Variants in DCN observed in about 807,000 individuals in gnomAD.
DCN encodes decorin.
In DCN, 17 loss-of-function variants were observed where a neutral mutation model predicts 36.5. That is an observed-to-expected ratio of 0.47 (90% CI 0.32 to 0.70). The LOEUF is 0.70. DCN is among the 30% of genes least tolerant of loss of function. The probability of loss-of-function intolerance (pLI) is 0.04; values close to 1 mark genes in which losing one functional copy is unlikely to be tolerated. For synonymous variants in DCN, 163 were observed against 161.4 expected, an observed-to-expected ratio of 1.01 and a Z score of -0.07; for missense variants, 389 against 430.1, an observed-to-expected ratio of 0.90 and a Z score of 0.84.
chr12:91,180,400 G>GAAAA (rs1883521081), intron 1 of DCN: 12 of 151,550 alleles, frequency 7.9e-5, no homozygotes, highest in African/African-American at 2.9e-4. Context: ...GAGAGAGAGA[G>GAAAA]AGAAAGAAAG....
intron 7 of DCN, among the ~76,000 whole-genome samples, chr12:91,148,167 G>A (rs1256060242): frequency 2.0e-5 from 3 of 151,080 alleles, no homozygotes; most frequent in South Asian, 4.2e-4. Flanking sequence ...TCCGCCTCCC[G>A]GGTTCACGCC....
chr12:91,177,836 G>T, intron 2 of DCN: 1 of 603,370 alleles, frequency 1.7e-6, no homozygotes, highest in Non-Finnish European at 3.0e-6. Flanking sequence ...TGAAAGATAA[G>T]ATTTTGTCAT....
At chr12:91,169,042 T>C (rs985979722) in intron 2 of DCN, among the ~76,000 whole-genome samples, 1 of 152,188 alleles carries the variant, frequency 6.6e-6, no homozygotes, top group African/African-American at 2.4e-5. Flanking sequence ...TGAATCTGAT[T>C]AATCCTCTAA....
intron 6 of DCN, among the ~76,000 whole-genome samples, chr12:91,152,827 C>T (rs1016023875): frequency 4.6e-5 from 7 of 151,918 alleles, no homozygotes; most frequent in African/African-American, 1.7e-4. Context: ...TTTAATCACA[C>T]ACTTTGTGTA....
At chr12:91,157,702 C>T (rs1164590977) in intron 4 of DCN, among the ~76,000 whole-genome samples, 1 of 151,920 alleles carries the variant, frequency 6.6e-6, no homozygotes, top group Non-Finnish European at 1.5e-5. Context: ...CATCTCGGCT[C>T]ACTGCAAGCT....
rs1257743347 is a variant in DCN, at chr12:91,164,611, G to A, written c.318C>T (p.Asn106=). The change falls in exon 3 of 8, where the codon AAC becomes AAT. Residue 106 remains asparagine, a synonymous_variant. Coordinates refer to ENST00000052754, the MANE Select transcript of DCN (RefSeq NM_001920.5). Reference sequence around the variant, plus strand: ...AAAAAAAAATAGTTCTTACGTGAAGGTTCTTCAGGTTCTTAAAGTCTCCAT... The same window carrying A: ...AAAAAAAAATAGTTCTTACGTGAAGATTCTTCAGGTTCTTAAAGTCTCCAT... The part of the protein sequence containing the change: ...IKDGDFKNLK[N]LHALILVNNK... The A allele has an allele frequency of 6.4e-7, 1 of 1,572,574 alleles. No individual in the cohort carries two copies. Among genetic ancestry groups the A allele is most frequent in the Non-Finnish European group, 8.8e-7 (1 of 1,142,486 alleles).
intron 2 of DCN, among the ~76,000 whole-genome samples, chr12:91,170,740 T>A (rs191080353): frequency 7.8e-4 from 119 of 152,292 alleles, no homozygotes; most frequent in African/African-American, 2.6e-3. Flanking sequence ...AAGTTAGCAT[T>A]CCTCAGGCTC....
rs1418117179 is a variant in DCN, at chr12:91,164,648, G to C, written c.281C>G (p.Thr94Ser). Residue 94 changes from threonine (T) to serine (S), a missense_variant, in exon 3 of 8, where the codon ACC becomes AGC. By Grantham distance (58) the Thr-to-Ser change is moderately conservative. Transcript: ENST00000052754. ...TLLDLQNNKI[T>S]EIKDGDFKNL... ...CTTAAAGTCTCCATCTTTGATTTCG[G>C]TTATTTTGTTGTTTTGCAGGTCTAG... 6.2e-7 allele frequency: 1 copy of C among 1,612,838 alleles called. No homozygotes were observed. The highest frequency in any genetic ancestry group is 8.5e-7 in the Non-Finnish European group (1 of 1,179,054).
At chr12:91,153,571 C>A (rs1881573837) in intron 5 of DCN, among the ~76,000 whole-genome samples, 1 of 152,038 alleles carries the variant, frequency 6.6e-6, no homozygotes, top group South Asian at 2.1e-4. Flanking sequence ...CTATTCGAAC[C>A]ATAATGAAGA....
chr12:91,149,317 A>G (rs1023707355), intron 7 of DCN, among the ~76,000 whole-genome samples: 2 of 152,220 alleles, frequency 1.3e-5, no homozygotes, highest in African/African-American at 2.4e-5. Flanking sequence ...AGTAATATCA[A>G]TGTAATACAC....
rs1221216430 is a variant in DCN at position 91,142,811 on chromosome 12, T to C, written c.*3247A>G. On this transcript the variant is annotated 3_prime_UTR_variant, in exon 8 of 8. Coordinates refer to ENST00000052754, the MANE Select transcript of DCN (RefSeq NM_001920.5). ...TCCAACCTTTTATGTGAAGCACCCATAATCGAACAACAGTTTTAATGAAAA... is the reference window on the plus strand; with the variant it reads ...TCCAACCTTTTATGTGAAGCACCCACAATCGAACAACAGTTTTAATGAAAA... The C allele has an allele frequency of 3.3e-5, 5 of 152,108 alleles. No homozygotes were observed. Among genetic ancestry groups the C allele is most frequent in the African/African-American group, 9.7e-5 (4 of 41,428 alleles). 9.4% of individuals were successfully genotyped at this position (152,108 alleles called of 1,614,324 possible). A position where few individuals can be genotyped will look rare whatever the true frequency, so the allele number is the denominator to read the frequency against.
chr12:91,177,292 A>G, intron 2 of DCN: 1 of 433,648 alleles, frequency 2.3e-6, no homozygotes, highest in Non-Finnish European at 4.1e-6. Context: ...CTGGGTTCCT[A>G]TAGGCAGTTT....
chr12:91,166,079 C>T (rs1354281462), intron 2 of DCN, among the ~76,000 whole-genome samples: 3 of 152,052 alleles, frequency 2.0e-5, no homozygotes, highest in Non-Finnish European at 4.4e-5. Context: ...TTACAGAAAA[C>T]GTACCTGAAG....
chr12:91,160,862 A>G (rs1455675671), intron 3 of DCN, among the ~76,000 whole-genome samples: 1 of 152,178 alleles, frequency 6.6e-6, no homozygotes, highest in Non-Finnish European at 1.5e-5. Context: ...ATTTTATAGA[A>G]CAATTATATA....
chr12:91,159,734 C>T (rs1302632590), intron 3 of DCN, among the ~76,000 whole-genome samples: 1 of 151,708 alleles, frequency 6.6e-6, no homozygotes, highest in Non-Finnish European at 1.5e-5. Flanking sequence ...ATTGCTAGGC[C>T]TATTTTTGGA....
At position 91,178,455 on chromosome 12, in the gene DCN, G is replaced by A. The variant is rs1592711211; in HGVS notation, c.98C>T (p.Ala33Val). The A allele has an allele frequency of 1.9e-6, 3 of 1,613,758 alleles. No homozygotes were observed. The highest frequency in any genetic ancestry group is 1.7e-6 in the Non-Finnish European group (2 of 1,179,956). ...AGGAACTTCTGGGCCTATCCCAGAAGCCTCATCTTCTAGCATAAAGTCAAA... is the reference window on the plus strand; with the variant it reads ...AGGAACTTCTGGGCCTATCCCAGAAACCTCATCTTCTAGCATAAAGTCAAA... ...GLFDFMLEDE[A>V]SGIGPEVPDD... The change falls in exon 2 of 8, where the codon GCT becomes GTT. Residue 33 changes from alanine (A) to valine (V), a missense_variant. Coordinates refer to ENST00000052754, the MANE Select transcript of DCN (RefSeq NM_001920.5).
intron 1 of DCN, among the ~76,000 whole-genome samples, chr12:91,182,265 GA>G (rs1182673783): frequency 6.6e-6 from 1 of 151,912 alleles, no homozygotes; most frequent in Non-Finnish European, 1.5e-5. Flanking sequence ...AAATTCAGGA[GA>G]AAAATACATT....
At chr12:91,176,748 A>C (rs1349193677) in intron 2 of DCN, 3 of 152,168 alleles carry the variant, frequency 2.0e-5, no homozygotes, top group Admixed American at 6.5e-5. Flanking sequence ...GTAATAATAA[A>C]TTCTTTTAAC....
intron 6 of DCN, among the ~76,000 whole-genome samples, chr12:91,152,780 T>G (rs1014245325): frequency 1.3e-5 from 2 of 152,160 alleles, no homozygotes; most frequent in African/African-American, 4.8e-5. Flanking sequence ...TTCTGTTTGA[T>G]GCAAATAAGT....
Sources: allele counts gnomAD v4.1 joint callset (sites outside exome capture counted in the v4.1 genomes callset), GRCh38; gene constraint gnomAD v4.1.1; transcripts MANE v1.5; gene names NCBI Gene and HGNC (gene_info 2026-07-23, HGNC 2026-07-21).